The following BPTF variants were observed in gnomAD, a reference collection of about 807,000 sequenced individuals.
BPTF encodes nucleosome-remodeling factor subunit BPTF.
BPTF carries 18 observed loss-of-function variants against 292.5 expected under a neutral mutation model. The observed-to-expected ratio is 0.06, with a 90% confidence interval of 0.04 to 0.09. The LOEUF is 0.09. Ranked by LOEUF, BPTF falls within the 10% of genes least tolerant of loss-of-function variation. BPTF has a pLI of 1.00. For missense variants in BPTF, 2,726 were observed against 3,498.7 expected (o/e 0.78, Z 5.57); for synonymous variants, 1,225 against 1,251.9 (o/e 0.98, Z 0.45).
rs751837615 is a variant in BPTF, at chr17:67,912,874, T to G, written c.4990T>G (p.Ser1664Ala). The change falls in exon 11 of 28, where the codon TCC (serine) becomes GCC (alanine). Residue 1664 changes from serine to alanine, a missense_variant. Coordinates refer to ENST00000306378, the MANE Select transcript of BPTF (RefSeq NM_182641.4). ...KTVVTTTVTD[S>A]LTTTGGTLVT... Reference sequence around the variant, plus strand: ...CGTGGTCACCACGACAGTGACAGACTCCCTGACCACCACGGGAGGCACACT... The same window carrying G: ...CGTGGTCACCACGACAGTGACAGACGCCCTGACCACCACGGGAGGCACACT... 10 of 1,613,958 alleles carry G rather than the reference T, an allele frequency of 6.2e-6. No homozygotes were observed. Among genetic ancestry groups the G allele is most frequent in the Non-Finnish European group, 7.6e-6 (9 of 1,180,030 alleles).
intron 27 of BPTF, among the ~76,000 whole-genome samples, chr17:67,978,456 G>T (rs1555695171): frequency 6.6e-6 from 1 of 151,752 alleles, no homozygotes; most frequent in East Asian, 1.9e-4. Flanking sequence ...CCACCACCAT[G>T]CCCAGCTGAT....
chr17:67,858,653 G>GT (rs2058876446), intron 2 of BPTF, among the ~76,000 whole-genome samples: 1 of 151,828 alleles, frequency 6.6e-6, no homozygotes, highest in African/African-American at 2.4e-5. Flanking sequence ...CTTGTACTCT[G>GT]TATAGACATT....
chr17:67,946,131 AT>A lies in BPTF; in HGVS notation c.7425del (p.Gln2476SerfsTer44). The A allele has an allele frequency of 6.2e-7, 1 of 1,614,194 alleles. No individual in the cohort carries two copies. The highest frequency in any genetic ancestry group is 8.5e-7 in the Non-Finnish European group (1 of 1,180,036). ...AATCAAACTCCAGTTACCTATCCAA[AT>A]TCAGCAAAGCAGTGCTGTGCAGACT... is the stretch of plus-strand genomic sequence containing the variant. The part of the protein sequence containing the change: ...QQIKLQLPIQ[I>X]QQSSAVQTHQ... On this transcript the variant is annotated frameshift_variant, in exon 21 of 28. Transcript: ENST00000306378. LOFTEE classifies it high-confidence loss of function.
intron 1 of BPTF, among the ~76,000 whole-genome samples, chr17:67,835,167 T>C: frequency 6.6e-6 from 1 of 152,020 alleles, no homozygotes; most frequent in Non-Finnish European, 1.5e-5. Flanking sequence ...CTATGGACCA[T>C]GCCACCACAC....
chr17:67,892,106 G>T, intron 5 of BPTF, 72 bp downstream of exon 5: 1 of 1,194,262 alleles, frequency 8.4e-7, no homozygotes, highest in Non-Finnish European at 1.1e-6. Flanking sequence ...CTTAAAAATA[G>T]GGGCTGGAAA....
intron 11 of BPTF, among the ~76,000 whole-genome samples, chr17:67,917,131 C>CCTTTTTTTTTTTTTT (rs2063065953): frequency 7.6e-5 from 8 of 105,806 alleles, no homozygotes; most frequent in African/African-American, 2.2e-4. Flanking sequence ...TGGTATTGTC[C>CCTTTTTTTTTTTTTT]TTTTTTTTTT....
chr17:67,952,215 T>C (rs1323613125), intron 23 of BPTF, among the ~76,000 whole-genome samples: 1 of 152,100 alleles, frequency 6.6e-6, no homozygotes, highest in East Asian at 1.9e-4. Flanking sequence ...GATATGTGAT[T>C]GCTTCCTTAC....
At position 67,945,484 on chromosome 17, in the gene BPTF, A is replaced by T. The variant is rs142404782; in HGVS notation, c.6776A>T (p.Gln2259Leu). Residue 2259 changes from glutamine to leucine, a missense_variant, in exon 21 of 28, where the codon CAG (glutamine) becomes CTG (leucine). Physicochemically the swap from Gln to Leu is moderately radical, Grantham distance 113. Around this residue, in one of 22 missense-constraint regions of BPTF, gnomAD observed 570 missense variants for 633.5 expected, o/e 0.90. Coordinates refer to ENST00000306378, the MANE Select transcript of BPTF (RefSeq NM_182641.4). ...VHQDKTLPPA[Q>L]SSSVGPAEAQ... ...CAAGACAAAACCCTGCCACCAGCTC[A>T]GTCATCAAGTGTGGGTCCAGCAGAA... 15 of 1,613,942 alleles carry T rather than the reference A, an allele frequency of 9.3e-6. No homozygotes were observed. The African/African-American group carries it at 2.0e-4, about 22-fold the overall frequency.
Position 67,955,141 on chromosome 17 carries a change from A to C in BPTF, c.7927-4400A>C, listed in dbSNP as rs142191632. On this transcript the variant is annotated intron_variant, in intron 23 of 27. Transcript: ENST00000306378. ...AGTCACTACTAAAAAAAATACAAAA[A>C]TTAGCCAGGCATGGTGGTGGGCGCT... is the stretch of plus-strand genomic sequence containing the variant. Among the ~76,000 whole-genome samples the C allele has an allele frequency of 2.5e-3, 377 of 152,060 alleles. 1 individual carries two copies. Among genetic ancestry groups the C allele is most frequent in the African/African-American group, 8.6e-3 (358 of 41,464 alleles).
At chr17:67,904,986 AC>A in intron 9 of BPTF, 146 bp downstream of exon 9, 1 of 574,246 alleles carries the variant, frequency 1.7e-6, no homozygotes, top group Non-Finnish European at 2.8e-6. Flanking sequence ...GTTTACTAAA[AC>A]CCTAAAACTT....
chr17:67,891,083 T>C (rs969375183), intron 4 of BPTF, among the ~76,000 whole-genome samples: 2 of 152,048 alleles, frequency 1.3e-5, no homozygotes, highest in Non-Finnish European at 2.9e-5. Flanking sequence ...CTTGGAAGGC[T>C]GAGATGGGAG....
At chr17:67,920,972 C>T (rs961337508) in intron 13 of BPTF, among the ~76,000 whole-genome samples, 1 of 151,666 alleles carries the variant, frequency 6.6e-6, no homozygotes, top group Non-Finnish European at 1.5e-5. Context: ...TTTGGGAGGC[C>T]GAGACAGGTG....
chr17:67,964,835 TA>T (rs1181992999), intron 25 of BPTF, among the ~76,000 whole-genome samples: 18 of 150,820 alleles, frequency 1.2e-4, no homozygotes, highest in Admixed American at 9.3e-4. Context: ...CCGTCTCTAC[TA>T]AAAATACAAA....
chr17:67,846,965 T>C (rs1035815044), intron 1 of BPTF, among the ~76,000 whole-genome samples: 3 of 152,090 alleles, frequency 2.0e-5, no homozygotes, highest in African/African-American at 7.2e-5. Flanking sequence ...CCTCCCAAAG[T>C]GCTGGAATTA....
At chr17:67,929,549 T>A (rs965234664) in intron 17 of BPTF, 62 bp downstream of exon 17, 173 of 1,537,430 alleles carry the variant, frequency 1.1e-4, no homozygotes, top group Non-Finnish European at 1.5e-4. Flanking sequence ...ATTTTTAGAA[T>A]GACTTCTTCC....
intron 27 of BPTF, among the ~76,000 whole-genome samples, chr17:67,979,370 A>ATC (rs1555695769): frequency 6.6e-6 from 1 of 152,036 alleles, no homozygotes. Flanking sequence ...AACATGATGA[A>ATC]ACCCTGTCTC....
intron 19 of BPTF, among the ~76,000 whole-genome samples, chr17:67,941,048 A>G (rs1422640174): frequency 6.6e-6 from 1 of 152,266 alleles, no homozygotes; most frequent in Non-Finnish European, 1.5e-5. Flanking sequence ...GTTTTTAGTG[A>G]AACTTCACAA....
rs1347784584 is a variant in BPTF, at chr17:67,983,605, G to T, written c.*1317G>T. ...GAAAATGGAAACCACAGAGGAAGAT[G>T]TATTTTGCATGTTTTTCCTTTCAGT... On this transcript the variant is annotated 3_prime_UTR_variant, in exon 28 of 28. Transcript: ENST00000306378. The T allele has an allele frequency of 3.3e-5, 5 of 152,584 alleles. No homozygotes were observed. The highest frequency in any genetic ancestry group is 7.3e-5 in the Non-Finnish European group (5 of 68,030). 9.5% of individuals were successfully genotyped at this position (152,584 alleles called of 1,614,324 possible).
chr17:67,938,716 C>G (rs529602590), intron 18 of BPTF, among the ~76,000 whole-genome samples: 1 of 152,160 alleles, frequency 6.6e-6, no homozygotes, highest in South Asian at 2.1e-4. Context: ...GAGAACTTTA[C>G]AAGCAATAAT....
Sources: gnomAD v4.1 joint callset for allele counts (sites outside exome capture counted in the v4.1 genomes callset) on GRCh38, gnomAD v4.1.1 for gene constraint, gnomAD v4.1.1 regional missense constraint, MANE v1.5 for transcripts, NCBI Gene and HGNC (gene_info 2026-07-23, HGNC 2026-07-21) for gene names.